Variants in FAT3 observed in about 807,000 individuals in gnomAD.
The protein encoded by FAT3 is protocadherin Fat 3.
Under a neutral mutation model 310.2 loss-of-function variants are expected in FAT3, and 95 were observed. That is an observed-to-expected ratio of 0.31 (90% CI 0.26 to 0.36). The LOEUF is 0.36. Ranked by LOEUF, FAT3 falls within the 10% of genes least tolerant of loss-of-function variation. The pLI, the probability that FAT3 is intolerant of heterozygous loss-of-function variation, is 1.00. For synonymous variants in FAT3, 2,314 were observed against 2,192.9 expected, an observed-to-expected ratio of 1.06 and a Z score of -1.54; for missense variants, 5,408 against 5,715.6, an observed-to-expected ratio of 0.95 and a Z score of 1.74.
chr11:92,638,913 C>A (rs1235784078), intron 3 of FAT3, among the ~76,000 whole-genome samples: 1 of 152,166 alleles, frequency 6.6e-6, no homozygotes, highest in African/African-American at 2.4e-5. Context: ...TTATTAACTT[C>A]TTGGAGCCCC....
intron 2 of FAT3, among the ~76,000 whole-genome samples, chr11:92,460,661 A>G (rs1337426682): frequency 6.6e-6 from 1 of 152,232 alleles, no homozygotes; most frequent in African/African-American, 2.4e-5. Context: ...CATTGCTTGT[A>G]AGACAAATAG....
At chr11:92,881,781 C>G (rs1256562028) in intron 23 of FAT3, among the ~76,000 whole-genome samples, 4 of 152,144 alleles carry the variant, frequency 2.6e-5, no homozygotes, top group Non-Finnish European at 5.9e-5. Context: ...GACTGAAACA[C>G]TTGCCTTATA....
At chr11:92,652,087 C>T (rs552578784) in intron 3 of FAT3, among the ~76,000 whole-genome samples, 1 of 152,228 alleles carries the variant, frequency 6.6e-6, no homozygotes, top group Non-Finnish European at 1.5e-5. Context: ...TCAGCAACCC[C>T]AGGAAGGAGG....
At chr11:92,723,788 A>G (rs912308432) in intron 4 of FAT3, among the ~76,000 whole-genome samples, 4 of 152,194 alleles carry the variant, frequency 2.6e-5, no homozygotes, top group African/African-American at 9.6e-5. Context: ...ATCAGATCCC[A>G]TGAGACTTAC....
At chr11:92,599,136 G>A (rs1437531886) in intron 3 of FAT3, among the ~76,000 whole-genome samples, 1 of 152,130 alleles carries the variant, frequency 6.6e-6, no homozygotes, top group Non-Finnish European at 1.5e-5. Flanking sequence ...CTTGCTCAAG[G>A]GAATTGTATT....
intron 2 of FAT3, among the ~76,000 whole-genome samples, chr11:92,452,065 A>G (rs939592138): frequency 2.0e-5 from 3 of 152,198 alleles, no homozygotes; most frequent in Admixed American, 6.5e-5. Context: ...AAAGAACACA[A>G]TCCATTAGGA....
intron 3 of FAT3, among the ~76,000 whole-genome samples, chr11:92,615,225 T>G (rs1303225799): frequency 6.6e-6 from 1 of 152,130 alleles, no homozygotes; most frequent in Non-Finnish European, 1.5e-5. Flanking sequence ...ACTTGTTAAT[T>G]TCTTTTCTTC....
chr11:92,440,434 T>G (rs1283886573), intron 2 of FAT3, among the ~76,000 whole-genome samples: 1 of 152,184 alleles, frequency 6.6e-6, no homozygotes, highest in African/African-American at 2.4e-5. Flanking sequence ...CAGATCATCG[T>G]TGGGTTGAGA....
chr11:92,805,796 A>G (rs978855385), intron 11 of FAT3, among the ~76,000 whole-genome samples: 2 of 152,204 alleles, frequency 1.3e-5, no homozygotes, highest in Admixed American at 6.5e-5. Flanking sequence ...ACTACTATAT[A>G]AAATATAATG....
chr11:92,545,218 C>T (rs1173998220), intron 3 of FAT3, among the ~76,000 whole-genome samples: 6 of 152,176 alleles, frequency 3.9e-5, no homozygotes, highest in Non-Finnish European at 7.3e-5. Flanking sequence ...AGTGTCACCT[C>T]TAACAAGATC....
At chr11:92,367,925 A>G (rs1949070198) in intron 2 of FAT3, among the ~76,000 whole-genome samples, 1 of 152,210 alleles carries the variant, frequency 6.6e-6, no homozygotes. Flanking sequence ...GTGGGGCTTG[A>G]AGTTCATACT....
intron 6 of FAT3, among the ~76,000 whole-genome samples, chr11:92,768,574 C>T (rs751773725): frequency 6.6e-6 from 1 of 152,180 alleles, no homozygotes; most frequent in Non-Finnish European, 1.5e-5. Context: ...TAGTCTCGCT[C>T]TCAAGATTTC....
chr11:92,460,364 C>G (rs991822433), intron 2 of FAT3, among the ~76,000 whole-genome samples: 1 of 152,122 alleles, frequency 6.6e-6, no homozygotes, highest in Non-Finnish European at 1.5e-5. Flanking sequence ...AGCCATGATC[C>G]CTGCATTGCC....
At chr11:92,829,319 A>G (rs1369474254) in intron 13 of FAT3, among the ~76,000 whole-genome samples, 1 of 152,242 alleles carries the variant, frequency 6.6e-6, no homozygotes, top group African/African-American at 2.4e-5. Flanking sequence ...TCTTATTGGC[A>G]AGAGCAGCGT....
In FAT3 at chr11:92,844,370, G is replaced by A; in HGVS notation, c.11003G>A (p.Gly3668Glu). ...PEDFVGLHMH[G>E]FRRTLRNAVL... ...GACTTCGTGGGGCTGCACATGCATG[G>A]GTTCCGGCGCACCCTGCGGAATGCA... Residue 3668 changes from glycine (G) to glutamate (E), a missense_variant, in exon 19 of 28, where the codon GGG becomes GAG. Transcript: ENST00000525166. 2 of 1,613,900 alleles carry A rather than the reference G, an allele frequency of 1.2e-6. No individual in the cohort carries two copies. Among genetic ancestry groups the A allele is most frequent in the South Asian group, 1.1e-5 (1 of 91,076 alleles).
chr11:92,787,001 C>T (rs930712323), intron 7 of FAT3, among the ~76,000 whole-genome samples: 1 of 152,102 alleles, frequency 6.6e-6, no homozygotes, highest in Non-Finnish European at 1.5e-5. Context: ...TTCTTTCTTG[C>T]GGGGGCTGTC....
intron 2 of FAT3, among the ~76,000 whole-genome samples, chr11:92,444,977 A>T (rs1229370534): frequency 1.3e-5 from 2 of 152,180 alleles, no homozygotes; most frequent in Non-Finnish European, 2.9e-5. Flanking sequence ...CTATATTTGG[A>T]GACAGGGTCT....
rs1055229728 is a variant in FAT3 at position 92,270,618 on chromosome 11, A to G, written c.-18+45444A>G. Reference sequence around the variant, plus strand: ...GGAGAATCACTTGAACCCAGGAGGCAGAGGTTGCAGTGAGCCGAGATCGTG... The same window carrying G: ...GGAGAATCACTTGAACCCAGGAGGCGGAGGTTGCAGTGAGCCGAGATCGTG... On this transcript the variant is annotated intron_variant, in intron 1 of 27. Coordinates refer to ENST00000525166, the MANE Select transcript of FAT3 (RefSeq NM_001367949.2). 3.9e-5 allele frequency among the ~76,000 whole-genome samples: 6 copies of G among 152,046 alleles called. No homozygotes were observed. The South Asian group carries it at 1.2e-3, about 31-fold the overall frequency.
At chr11:92,836,201 C>A (rs1317283687) in intron 15 of FAT3, among the ~76,000 whole-genome samples, 1 of 152,102 alleles carries the variant, frequency 6.6e-6, no homozygotes. Context: ...CCTAGAGAAT[C>A]CCTCACTCAA....
Sources: allele counts gnomAD v4.1 joint callset (sites outside exome capture counted in the v4.1 genomes callset), GRCh38; gene constraint gnomAD v4.1.1; transcripts MANE v1.5; gene names NCBI Gene and HGNC (gene_info 2026-07-23, HGNC 2026-07-21).